PABPC1L: variants seen among roughly 807,000 people sequenced by gnomAD.
PABPC1L encodes poly(A) binding protein cytoplasmic 1 like, also known as polyadenylate-binding protein 1-like.
Under a neutral mutation model 66.6 loss-of-function variants are expected in PABPC1L, and 31 were observed. The ratio of observed to expected loss-of-function variants is 0.47; its 90% CI spans 0.35 to 0.63. The LOEUF is 0.63. Among genes scored for constraint, PABPC1L ranks in the 20% least tolerant of loss-of-function variants. The probability of loss-of-function intolerance (pLI) is 0.00; values close to 1 mark genes in which losing one functional copy is unlikely to be tolerated. For missense variants in PABPC1L, 722 were observed against 848.8 expected (o/e 0.85, Z 1.86); for synonymous variants, 348 against 335.1 (o/e 1.04, Z -0.42).
intron 10 of PABPC1L, 31 bp from the exon 11 acceptor site, chr20:44,935,359 CT>C (rs754872570): frequency 1.3e-6 from 2 of 1,556,296 alleles, no homozygotes; most frequent in Non-Finnish European, 1.8e-6. Context: ...TTGAACTCTG[CT>C]TTTTTTGTTT....
At chr20:44,930,421 T>C (rs777313130) in intron 7 of PABPC1L, 39 bp from the exon 8 acceptor site, 1 of 1,586,300 alleles carries the variant, frequency 6.3e-7, no homozygotes, top group Non-Finnish European at 8.6e-7. Context: ...GGAGCCTTCC[T>C]TCCCCACCCC....
chr20:44,930,437 CTCTTG>C lies in PABPC1L; in HGVS notation c.973-12_973-8del. 2 of 1,601,534 alleles carry C rather than the reference CTCTTG, an allele frequency of 1.2e-6. No individual in the cohort carries two copies. The highest frequency in any genetic ancestry group is 1.7e-6 in the Non-Finnish European group (2 of 1,172,444). On this transcript the variant is annotated intron_variant, in intron 7 of 14. Transcript: ENST00000217073. ...GAGCCTTCCTTCCCCACCCCAGCAG[CTCTTG>C]TCTTGTCTTGCTTTTAGGTGATGAC...
intron 6 of PABPC1L, among the ~76,000 whole-genome samples, chr20:44,921,958 C>T (rs985835778): frequency 6.6e-6 from 1 of 152,134 alleles, no homozygotes; most frequent in Admixed American, 6.6e-5. Context: ...TGCTGGGGAC[C>T]TTTTGGTTAG....
intron 8 of PABPC1L, 125 bp downstream of exon 8, chr20:44,930,851 G>C (rs78333826): frequency 0.089 from 116,546 of 1,310,982 alleles, 5,498 homozygotes; most frequent in East Asian, 0.14. Flanking sequence ...TCATTAGGAA[G>C]TCTTTGTTTC....
At chr20:44,924,518 G>A (rs1405747912) in intron 7 of PABPC1L, among the ~76,000 whole-genome samples, 3 of 152,170 alleles carry the variant, frequency 2.0e-5, no homozygotes, top group African/African-American at 7.2e-5. Flanking sequence ...TTTATTGAGT[G>A]CCTACTGTAT....
chr20:44,916,941 C>A, intron 3 of PABPC1L, 70 bp downstream of exon 3: 3 of 1,436,038 alleles, frequency 2.1e-6, no homozygotes, highest in South Asian at 1.2e-5. Context: ...GACTAGGAAT[C>A]GATGCTACCC....
Position 44,932,518 on chromosome 20 carries a change from C to G in PABPC1L, c.1330+86C>G, listed in dbSNP as rs2066868798. 4 of 1,230,268 alleles carry G rather than the reference C, an allele frequency of 3.3e-6. No individual in the cohort carries two copies. In the Admixed American group the frequency reaches 8.5e-5, roughly 26 times the overall value. 76.2% of individuals were successfully genotyped at this position (1,230,268 alleles called of 1,614,324 possible). ...GTCATAACACAGGGATGAAACCTGG[C>G]TCTGCCACTTCCCAAGGTGGGTGAC... On this transcript the variant is annotated intron_variant, in intron 9 of 14. Coordinates refer to ENST00000217073, the MANE Select transcript of PABPC1L (RefSeq NM_001372179.1).
intron 11 of PABPC1L, 116 bp from the exon 12 acceptor site, chr20:44,936,521 G>A: frequency 1.3e-6 from 1 of 781,146 alleles, no homozygotes; most frequent in Non-Finnish European, 2.0e-6. Context: ...TCCAGACCTT[G>A]CCCTCTGTTC....
At chr20:44,938,224 G>A in intron 13 of PABPC1L, 33 bp downstream of exon 13, 2 of 1,605,084 alleles carry the variant, frequency 1.2e-6, no homozygotes, top group Non-Finnish European at 1.7e-6. Flanking sequence ...GGGAGCCCGA[G>A]GGGGCAGGAG....
intron 10 of PABPC1L, among the ~76,000 whole-genome samples, chr20:44,934,563 T>C (rs766039611): frequency 6.6e-6 from 1 of 152,238 alleles, no homozygotes; most frequent in Non-Finnish European, 1.5e-5. Context: ...TGGTACCTCA[T>C]GTAAGTAGAA....
Position 44,921,721 on chromosome 20 carries a change from G to A in PABPC1L, c.866G>A (p.Arg289Lys). The A allele has an allele frequency of 6.2e-7, 1 of 1,613,482 alleles. No individual in the cohort carries two copies. The change falls in exon 6 of 15, where the codon AGG becomes AAG. Residue 289 changes from arginine to lysine, a missense_variant. Physicochemically the swap from Arg to Lys is conservative, Grantham distance 26. Around this residue, in one of 3 missense-constraint regions of PABPC1L, gnomAD observed 137 missense variants for 216.8 expected, o/e 0.63. Coordinates refer to ENST00000217073, the MANE Select transcript of PABPC1L (RefSeq NM_001372179.1). ...GAGCAGATGAAGCAGGACCGGCTGA[G>A]GCGTTACCAGGTGAGGTCAGGCTTC... is the stretch of plus-strand genomic sequence containing the variant. ...RFEQMKQDRL[R>K]RYQGVNLYVK...
chr20:44,930,834 C>CGAGG, intron 8 of PABPC1L, 108 bp downstream of exon 8: 1 of 1,425,028 alleles, frequency 7.0e-7, no homozygotes, highest in Non-Finnish European at 9.4e-7. Context: ...TTGCTTCTGC[C>CGAGG]GAGGACTCAT....
chr20:44,915,117 T>A (rs2066729697), intron 2 of PABPC1L, among the ~76,000 whole-genome samples: 1 of 152,134 alleles, frequency 6.6e-6, no homozygotes, highest in South Asian at 2.1e-4. Flanking sequence ...AAGGCATGGG[T>A]TTGGAAGCAA....
intron 13 of PABPC1L, among the ~76,000 whole-genome samples, 195 bp downstream of exon 13, chr20:44,938,386 A>AC (rs2066918161): frequency 6.6e-6 from 1 of 152,180 alleles, no homozygotes; most frequent in African/African-American, 2.4e-5. Context: ...CCTTCCGTAG[A>AC]CTAATTCTGT....
At chr20:44,923,375 C>T (rs530718665) in intron 6 of PABPC1L, among the ~76,000 whole-genome samples, 1 of 152,254 alleles carries the variant, frequency 6.6e-6, no homozygotes, top group African/African-American at 2.4e-5. Flanking sequence ...GTAATCCCAG[C>T]ACTTTGGGAG....
intron 6 of PABPC1L, among the ~76,000 whole-genome samples, chr20:44,923,862 A>C (rs1349086719): frequency 1.3e-5 from 2 of 152,148 alleles, no homozygotes; most frequent in Non-Finnish European, 2.9e-5. Flanking sequence ...TCAGCCTGCC[A>C]CGGGACCTGG....
In PABPC1L at chr20:44,910,067, G is replaced by A. The variant is rs996356026; in HGVS notation, c.-77G>A. On this transcript the variant is annotated 5_prime_UTR_variant, in exon 1 of 15. Coordinates refer to ENST00000217073, the MANE Select transcript of PABPC1L (RefSeq NM_001372179.1). ...GGCGGGCCCGCGCCCAGGAAGGAGG[G>A]CTTCCGCCCGGGTGAGCGCGGGGCT... The A allele has an allele frequency of 2.1e-5, 27 of 1,306,006 alleles. No individual in the cohort carries two copies. The highest frequency in any genetic ancestry group is 2.8e-5 in the Non-Finnish European group (27 of 964,764). 80.9% of individuals were successfully genotyped at this position (1,306,006 alleles called of 1,614,324 possible). A position where few individuals can be genotyped will look rare whatever the true frequency, so the allele number is the denominator to read the frequency against.
chr20:44,927,359 T>A (rs1387206560), intron 7 of PABPC1L, among the ~76,000 whole-genome samples: 2 of 151,876 alleles, frequency 1.3e-5, no homozygotes, highest in Non-Finnish European at 2.9e-5. Context: ...ATATTTTTTT[T>A]TTTTTGAGAT....
chr20:44,932,685 ACT>A (rs370629769), intron 9 of PABPC1L: 2 of 512,308 alleles, frequency 3.9e-6, no homozygotes, highest in South Asian at 3.1e-5. Context: ...CTGATTTGTG[ACT>A]CTGAAAATTC....
Sources: gnomAD v4.1 joint callset for allele counts (sites outside exome capture counted in the v4.1 genomes callset) on GRCh38, gnomAD v4.1.1 for gene constraint, gnomAD v4.1.1 regional missense constraint, MANE v1.5 for transcripts, NCBI Gene and HGNC (gene_info 2026-07-23, HGNC 2026-07-21) for gene names.